The following CYRIB variants were observed in gnomAD, a reference collection of about 807,000 sequenced individuals.
The protein encoded by CYRIB is CYFIP-related Rac1 interactor B.
Under a neutral mutation model 44.2 loss-of-function variants are expected in CYRIB, and 8 were observed. The observed-to-expected ratio is 0.18, with a 90% CI of 0.11 to 0.33. The LOEUF is 0.33. Among genes scored for constraint, CYRIB ranks in the 10% least tolerant of loss-of-function variants. The probability of loss-of-function intolerance (pLI) is 1.00; values close to 1 mark genes in which losing one functional copy is unlikely to be tolerated. For synonymous variants in CYRIB, 131 were observed against 127.2 expected, an observed-to-expected ratio of 1.03 and a Z score of -0.20; for missense variants, 185 against 382.8, an observed-to-expected ratio of 0.48 and a Z score of 4.31.
At chr8:129,850,466 C>A in intron 9 of CYRIB, 1 of 179,922 alleles carries the variant, frequency 5.6e-6, no homozygotes. Context: ...GGGTAAGATT[C>A]TTTACTAAAT....
intron 4 of CYRIB, among the ~76,000 whole-genome samples, chr8:129,867,962 T>C (rs764364716): frequency 2.7e-4 from 41 of 152,234 alleles, no homozygotes; most frequent in Non-Finnish European, 5.4e-4. Flanking sequence ...AGATTACTGT[T>C]TCTTCACAAA....
In CYRIB at chr8:129,849,547, T is replaced by C. The variant is rs76634859; in HGVS notation, c.714-178A>G. The C allele has an allele frequency of 7.9e-3, 4,303 of 542,852 alleles. 176 individuals carry two copies. The highest frequency in any genetic ancestry group is 0.075 in the African/African-American group (3,850 of 51,632). The allele number at this position is 542,852 out of a possible 1,614,324, so 33.6% of individuals were successfully genotyped here. ...ATTCAAATCTTATGTCTGTTTTCCT[T>C]TCCAAATCAACCCCCTGAAAGGGAT... On this transcript the variant is annotated intron_variant, in intron 9 of 11. Transcript: ENST00000519824.
upstream of CYRIB, among the ~76,000 whole-genome samples, chr8:129,942,361 A>G (rs1397431410): frequency 2.0e-5 from 3 of 152,098 alleles, no homozygotes; most frequent in African/African-American, 7.2e-5. Flanking sequence ...ATAACAAAAT[A>G]CAATGAGTCC....
chr8:129,978,476 C>A lies in CYRIB; in HGVS notation c.-295-7481G>T, dbSNP rs187850659. On this transcript the variant is annotated intron_variant, in intron 1 of 14. Coordinates refer to the CYRIB transcript ENST00000401979. Reference sequence around the variant, plus strand: ...AGAGAATCCCTGGAGACTCAAGCCTCGCGCTGTGGGCACCATCTCCCCAGG... The same window carrying A: ...AGAGAATCCCTGGAGACTCAAGCCTAGCGCTGTGGGCACCATCTCCCCAGG... Among the ~76,000 whole-genome samples, 12 of 152,276 alleles carry A rather than the reference C, an allele frequency of 7.9e-5. No homozygotes were observed. The East Asian group carries it at 2.3e-3, about 29-fold the overall frequency.
rs1432209295 is a variant in CYRIB at position 129,976,876 on chromosome 8, C to G, written c.-295-5881G>C. 2.0e-5 allele frequency among the ~76,000 whole-genome samples: 3 copies of G among 151,818 alleles called. No individual in the cohort carries two copies. The East Asian group carries it at 5.8e-4, about 29-fold the overall frequency. On this transcript the variant is annotated intron_variant, in intron 1 of 14. Transcript: ENST00000401979. ...TTTAATTGAGACAAAGAGTCTGGCT[C>G]TGTTGCCCAGGCTGGAGTGCAATGG...
chr8:129,850,066 T>A (rs191145613), intron 9 of CYRIB: 1 of 152,358 alleles, frequency 6.6e-6, no homozygotes, highest in Admixed American at 6.5e-5. Context: ...TGTCCCTTCA[T>A]TTCCCAGGAC....
At chr8:129,843,612 G>C (rs926451201) in intron 11 of CYRIB, among the ~76,000 whole-genome samples, 2 of 152,130 alleles carry the variant, frequency 1.3e-5, no homozygotes, top group Admixed American at 6.5e-5. Flanking sequence ...ATATTACCCC[G>C]GTTGGCCTTC....
intron 2 of CYRIB, among the ~76,000 whole-genome samples, chr8:129,958,649 C>A (rs2095027887): frequency 6.6e-6 from 1 of 151,870 alleles, no homozygotes; most frequent in South Asian, 2.1e-4. Flanking sequence ...ATGCAATCAT[C>A]TCTTTGGAGA....
chr8:129,950,012 G>A (rs1019101024), intron 2 of CYRIB, among the ~76,000 whole-genome samples: 1 of 152,126 alleles, frequency 6.6e-6, no homozygotes, highest in African/African-American at 2.4e-5. Context: ...GCTATAAAAA[G>A]CAACAATTAC....
intron 1 of CYRIB, among the ~76,000 whole-genome samples, chr8:129,991,943 CAAAAAAAAA>C (rs35897320): frequency 2.1e-4 from 4 of 19,206 alleles, no homozygotes; most frequent in East Asian, 1.3e-3. Context: ...AGCAGAGTCG[CAAAAAAAAA>C]AAAAAAAAAA....
chr8:129,880,025 TATGCAGCACAATTCTGA>T (rs1475012613), intron 2 of CYRIB, among the ~76,000 whole-genome samples: 25 of 152,216 alleles, frequency 1.6e-4, no homozygotes, highest in Non-Finnish European at 2.1e-4. Context: ...TGATTCAAGG[TATGCAGCACAATTCTGA>T]TTTTTAAAAT....
chr8:129,999,249 C>T (rs72720345), intron 1 of CYRIB, among the ~76,000 whole-genome samples: 9,079 of 152,222 alleles, frequency 0.06, 318 homozygotes, highest in Non-Finnish European at 0.077. Context: ...ACCCTCCAGG[C>T]ATGGCCAGTG....
rs1162690316 is a variant in CYRIB at position 129,992,703 on chromosome 8, A to C, written c.-295-21708T>G. 2.6e-5 allele frequency among the ~76,000 whole-genome samples: 4 copies of C among 152,128 alleles called. No individual in the cohort carries two copies. In the East Asian group the frequency reaches 7.7e-4, roughly 29 times the overall value. On this transcript the variant is annotated intron_variant, in intron 1 of 14. Coordinates refer to the CYRIB transcript ENST00000401979. ...CTGATCACCCATTGTTCGTATCTCTACCTTTCTTTGTCATGTATGTGTTTA... is the reference window on the plus strand; with the variant it reads ...CTGATCACCCATTGTTCGTATCTCTCCCTTTCTTTGTCATGTATGTGTTTA...
intron 2 of CYRIB, among the ~76,000 whole-genome samples, chr8:129,902,330 C>T (rs200718748): frequency 4.6e-5 from 7 of 152,016 alleles, no homozygotes; most frequent in African/African-American, 1.2e-4. Flanking sequence ...GCAATTCTCC[C>T]GCCTCAGCCA....
intron 1 of CYRIB, among the ~76,000 whole-genome samples, chr8:129,926,139 A>AAT (rs1274593520): frequency 6.6e-6 from 1 of 152,204 alleles, no homozygotes. Flanking sequence ...CACCCATTTT[A>AAT]GCACCTTATT....
intron 1 of CYRIB, among the ~76,000 whole-genome samples, chr8:129,936,630 GTATAACACAAAATCATGTCTATA>G (rs1477429708): frequency 4.6e-5 from 7 of 150,998 alleles, no homozygotes; most frequent in African/African-American, 1.7e-4. Flanking sequence ...ATGAACTAAA[GTATAACACAAAATCATGTCTATA>G]CTTCCTCACC....
chr8:130,001,178 G>A (rs889157129), intron 1 of CYRIB, among the ~76,000 whole-genome samples: 24 of 152,100 alleles, frequency 1.6e-4, no homozygotes, highest in African/African-American at 5.1e-4. Context: ...TGTCTGCTCC[G>A]TATGGGCTTC....
At chr8:129,977,762 G>A (rs1185378262) in intron 1 of CYRIB, among the ~76,000 whole-genome samples, 1 of 152,088 alleles carries the variant, frequency 6.6e-6, no homozygotes, top group Non-Finnish European at 1.5e-5. Flanking sequence ...TCGATCTCCT[G>A]ACCTCGTGAT....
At chr8:129,912,425 T>C (rs979690896) in intron 1 of CYRIB, 1 of 151,170 alleles carries the variant, frequency 6.6e-6, no homozygotes, top group East Asian at 1.9e-4. Context: ...TATCTGAAAT[T>C]ACAAAGTTTT....
Sources: gnomAD v4.1 joint callset for allele counts (sites outside exome capture counted in the v4.1 genomes callset) on GRCh38, gnomAD v4.1.1 for gene constraint, MANE v1.5 for transcripts, NCBI Gene and HGNC (gene_info 2026-07-23, HGNC 2026-07-21) for gene names.